Variants in LOC128125817 observed in about 807,000 individuals in gnomAD.
the LOC128125817 span, among the ~76,000 whole-genome samples, chr1:41,601,431 A>C: frequency 6.6e-6 from 1 of 152,074 alleles, no homozygotes; most frequent in Non-Finnish European, 1.5e-5. Context: ...TTTCTTTATT[A>C]AATGTTTTGT....
chr1:41,616,768 A>C, the LOC128125817 span, among the ~76,000 whole-genome samples: 1 of 151,816 alleles, frequency 6.6e-6, no homozygotes, highest in Non-Finnish European at 1.5e-5. Context: ...TTGTTTTTCT[A>C]AAAATGGTAT....
the LOC128125817 span, among the ~76,000 whole-genome samples, chr1:41,605,008 G>A: frequency 1.3e-5 from 2 of 151,538 alleles, no homozygotes; most frequent in Non-Finnish European, 2.9e-5. Context: ...GGGAGGTGGA[G>A]GTGGGAGGAT....
chr1:41,617,299 G>A, the LOC128125817 span, among the ~76,000 whole-genome samples: 3 of 152,304 alleles, frequency 2.0e-5, no homozygotes, highest in South Asian at 2.1e-4. Flanking sequence ...ATGGATCAAT[G>A]TGTGTGTTTT....
At chr1:41,616,853 A>G in the LOC128125817 span, among the ~76,000 whole-genome samples, 1 of 152,290 alleles carries the variant, frequency 6.6e-6, no homozygotes, top group South Asian at 2.1e-4. Context: ...ATAGGTTGTG[A>G]GCAGTTATCC....
chr1:41,593,373 G>T, the LOC128125817 span, among the ~76,000 whole-genome samples: 1 of 151,546 alleles, frequency 6.6e-6, no homozygotes, highest in African/African-American at 2.4e-5. Context: ...TTCTTTTTGC[G>T]GGCAGCAGCA....
At chr1:41,604,144 C>T in the LOC128125817 span, among the ~76,000 whole-genome samples, 1 of 152,180 alleles carries the variant, frequency 6.6e-6, no homozygotes, top group Non-Finnish European at 1.5e-5. Flanking sequence ...CACACACCTA[C>T]CCTCAGACCC....
the LOC128125817 span, among the ~76,000 whole-genome samples, chr1:41,626,655 T>C: frequency 2.4e-4 from 37 of 152,156 alleles, no homozygotes; most frequent in Non-Finnish European, 4.7e-4. Context: ...ACCCAGATCC[T>C]GTCCTGAGAC....
the LOC128125817 span, among the ~76,000 whole-genome samples, chr1:41,611,367 G>A: frequency 6.6e-6 from 1 of 152,162 alleles, no homozygotes; most frequent in Non-Finnish European, 1.5e-5. Flanking sequence ...CACAAACTGT[G>A]GAGCAACTGG....
At chr1:41,623,904 G>GA in the LOC128125817 span, among the ~76,000 whole-genome samples, 116,967 of 152,058 alleles carry the variant, frequency 0.77, 45,851 homozygotes, top group East Asian at 1. Context: ...ATGCCGATCA[G>GA]AGTGACGTGT....
chr1:41,599,752 C>T, the LOC128125817 span, among the ~76,000 whole-genome samples: 2 of 152,110 alleles, frequency 1.3e-5, no homozygotes, highest in Admixed American at 1.3e-4. Context: ...AATTTAAAAT[C>T]TTCTATGCGT....
the LOC128125817 span, among the ~76,000 whole-genome samples, chr1:41,607,006 T>G: frequency 6.6e-6 from 1 of 152,144 alleles, no homozygotes; most frequent in Non-Finnish European, 1.5e-5. Context: ...TATTTTTAAA[T>G]TGAAATGGGG....
the LOC128125817 span, among the ~76,000 whole-genome samples, chr1:41,618,243 A>G: frequency 6.6e-6 from 1 of 152,210 alleles, no homozygotes; most frequent in East Asian, 1.9e-4. Context: ...TGGCTGCCAC[A>G]CAGAAGAGTC....
the LOC128125817 span, among the ~76,000 whole-genome samples, chr1:41,601,414 T>C: frequency 6.6e-6 from 1 of 152,206 alleles, no homozygotes; most frequent in Non-Finnish European, 1.5e-5. Context: ...GTTTGTGTCT[T>C]CTTTAATTTC....
chr1:41,604,117 T>C, the LOC128125817 span, among the ~76,000 whole-genome samples: 1 of 152,186 alleles, frequency 6.6e-6, no homozygotes, highest in African/African-American at 2.4e-5. Context: ...GGACAATTGA[T>C]TGGCAAAGAC....
chr1:41,595,890 C>T, the LOC128125817 span, among the ~76,000 whole-genome samples: 13,900 of 152,192 alleles, frequency 0.091, 694 homozygotes, highest in Middle Eastern at 0.17. Context: ...TGCTTGCAGA[C>T]GGCCTATTGT....
chr1:41,594,245 TG>T, the LOC128125817 span, among the ~76,000 whole-genome samples: 3 of 152,202 alleles, frequency 2.0e-5, no homozygotes, highest in Non-Finnish European at 4.4e-5. Flanking sequence ...TTTTTTGAAA[TG>T]GAGTCTCGCT....
chr1:41,616,070 G>A, the LOC128125817 span, among the ~76,000 whole-genome samples: 3 of 152,170 alleles, frequency 2.0e-5, no homozygotes, highest in South Asian at 2.1e-4. Context: ...TGCCCCAGGT[G>A]GGGAGCTTCT....
At chr1:41,616,194 A>T in the LOC128125817 span, among the ~76,000 whole-genome samples, 1 of 152,106 alleles carries the variant, frequency 6.6e-6, no homozygotes, top group Non-Finnish European at 1.5e-5. Flanking sequence ...CATGGTTGGC[A>T]TGGCTCATAC....
At chr1:41,599,609 A>G in the LOC128125817 span, among the ~76,000 whole-genome samples, 1 of 152,232 alleles carries the variant, frequency 6.6e-6, no homozygotes, top group Non-Finnish European at 1.5e-5. Context: ...ACCTAAACTC[A>G]GAGATAAAAC....
Sources: gnomAD v4.1 joint callset for allele counts (sites outside exome capture counted in the v4.1 genomes callset) on GRCh38, gnomAD v4.1.1 for gene constraint, MANE v1.5 for transcripts.